Variants in ATAD5 observed in about 807,000 individuals in gnomAD.
ATAD5 encodes the protein ATPase family AAA domain-containing protein 5.
Under a neutral mutation model 176.9 loss-of-function variants are expected in ATAD5, and 58 were observed. That is an observed-to-expected ratio of 0.33 (90% CI 0.27 to 0.41). The LOEUF is 0.41. Among genes scored for constraint, ATAD5 ranks in the 10% least tolerant of loss-of-function variants. The probability of loss-of-function intolerance (pLI) is 1.00; values close to 1 mark genes in which losing one functional copy is unlikely to be tolerated. For synonymous variants in ATAD5, 640 were observed against 712.6 expected (o/e 0.90, Z 1.62); for missense variants, 1,789 against 2,094.1 (o/e 0.85, Z 2.84).
At chr17:30,855,002 G>A (rs9894876) in intron 6 of ATAD5, 141 bp from the exon 7 acceptor site, 84,266 of 722,570 alleles carry the variant, frequency 0.12, 5,711 homozygotes, top group South Asian at 0.24. Flanking sequence ...TAAGTGATCC[G>A]CCCACCTCTG....
rs1335833828 is a variant in ATAD5 at position 30,895,099 on chromosome 17, AT to A, written c.*194del. ...GTTACAAATTTTATATATGATTGTA[AT>A]TTTTTTTCTGAATTTTTTGTATTAT... On this transcript the variant is annotated 3_prime_UTR_variant, in exon 23 of 23. Transcript: ENST00000321990. 4.5e-5 allele frequency: 20 copies of A among 443,216 alleles called. No individual in the cohort carries two copies. Among genetic ancestry groups the A allele is most frequent in the East Asian group, 7.7e-5 (2 of 26,058 alleles). 27.5% of individuals were successfully genotyped at this position (443,216 alleles called of 1,614,324 possible).
chr17:30,849,482 T>A (rs1213842517), intron 6 of ATAD5, among the ~76,000 whole-genome samples: 2 of 152,238 alleles, frequency 1.3e-5, no homozygotes, highest in Non-Finnish European at 2.9e-5. Flanking sequence ...CATTTCTCTT[T>A]TTAATTTTAT....
intron 14 of ATAD5, among the ~76,000 whole-genome samples, chr17:30,874,599 C>G (rs548822355): frequency 3.1e-4 from 42 of 134,450 alleles, no homozygotes; most frequent in Non-Finnish European, 6.3e-4. Flanking sequence ...AAATTGATAT[C>G]TGTTCAACTA....
chr17:30,887,062 C>T, intron 18 of ATAD5, 130 bp from the exon 19 acceptor site: 1 of 652,652 alleles, frequency 1.5e-6, no homozygotes. Context: ...CAGTTTCATC[C>T]TCAAGAAGAG....
At chr17:30,846,484 C>A (rs1906514419) in intron 6 of ATAD5, among the ~76,000 whole-genome samples, 1 of 150,808 alleles carries the variant, frequency 6.6e-6, no homozygotes, top group African/African-American at 2.4e-5. Context: ...CTCACTGCAA[C>A]CTCTGCCTCC....
At chr17:30,850,062 G>A (rs980441240) in intron 6 of ATAD5, among the ~76,000 whole-genome samples, 2 of 152,062 alleles carry the variant, frequency 1.3e-5, no homozygotes, top group African/African-American at 4.8e-5. Flanking sequence ...GATCACATGA[G>A]CCTGGGAGGT....
At chr17:30,855,048 C>T in intron 6 of ATAD5, 95 bp from the exon 7 acceptor site, 1 of 1,205,908 alleles carries the variant, frequency 8.3e-7, no homozygotes, top group Non-Finnish European at 1.1e-6. Flanking sequence ...CATGAGCCAC[C>T]ATGCCCAGCC....
At chr17:30,849,123 G>A (rs528693438) in intron 6 of ATAD5, among the ~76,000 whole-genome samples, 9 of 152,066 alleles carry the variant, frequency 5.9e-5, no homozygotes, top group African/African-American at 2.2e-4. Context: ...TGCCTGCCTC[G>A]GCCTCCCAAA....
chr17:30,873,429 T>G (rs569662366), intron 14 of ATAD5, among the ~76,000 whole-genome samples: 9 of 151,690 alleles, frequency 5.9e-5, no homozygotes, highest in Non-Finnish European at 1.0e-4. Context: ...GTGATTCTCA[T>G]GCCTCAGCCT....
chr17:30,889,227 C>T (rs9914242), intron 19 of ATAD5, among the ~76,000 whole-genome samples: 3 of 142,906 alleles, frequency 2.1e-5, no homozygotes, highest in East Asian at 2.0e-4. Context: ...TATAGTGACT[C>T]TTCATGGGCA....
rs368659042 is a variant in ATAD5 at position 30,877,464 on chromosome 17, C to T, written c.3833C>T (p.Thr1278Ile). The T allele has an allele frequency of 6.3e-7, 1 of 1,582,826 alleles. No individual in the cohort carries two copies. Among genetic ancestry groups the T allele is most frequent in the Non-Finnish European group, 8.7e-7 (1 of 1,153,734 alleles). Residue 1278 changes from threonine (T) to isoleucine (I), a missense_variant, in exon 16 of 23, where the codon ACA (threonine) becomes ATA (isoleucine). By Grantham distance (89) the Thr-to-Ile change is moderately conservative. This residue lies in a region of ATAD5 where 194 missense variants were observed against 270.1 expected (regional missense o/e 0.72). Transcript: ENST00000321990. ...EQKQITQTKS[T>I]NATNSNVKDV... The stretch of plus-strand genomic sequence containing the variant: ...AAACAAATTACTCAGACTAAATCTA[C>T]AAATGCAACTAATTCAAATGTCAAA...
chr17:30,835,478 A>G lies in ATAD5; in HGVS notation c.1397A>G (p.Asp466Gly). Residue 466 changes from aspartate to glycine, a missense_variant, in exon 2 of 23, where the codon GAT becomes GGT. Asp to Gly is a moderately conservative substitution (Grantham distance 94). This residue lies in a region of ATAD5 where 696 missense variants were observed against 712.5 expected (regional missense o/e 0.98). Coordinates refer to ENST00000321990, the MANE Select transcript of ATAD5 (RefSeq NM_024857.5). The part of the protein sequence containing the change: ...SKNGNLQLHT[D>G]KGSFLKEKNK... Reference sequence around the variant, plus strand: ...AATGGCAATTTACAGTTACACACTGATAAAGGAAGTTTTCTGAAGGAGAAA... The same window carrying G: ...AATGGCAATTTACAGTTACACACTGGTAAAGGAAGTTTTCTGAAGGAGAAA... 6.2e-7 allele frequency: 1 copy of G among 1,608,074 alleles called. No homozygotes were observed. Among genetic ancestry groups the G allele is most frequent in the South Asian group, 1.1e-5 (1 of 88,350 alleles).
intron 10 of ATAD5, chr17:30,864,925 CT>C (rs557396227): frequency 1.5e-3 from 206 of 140,590 alleles, no homozygotes; most frequent in Non-Finnish European, 1.6e-3. Context: ...TCCATTTTTG[CT>C]TTTTTTTTTT....
chr17:30,876,313 G>C, intron 14 of ATAD5, 61 bp from the exon 15 acceptor site: 1 of 1,433,216 alleles, frequency 7.0e-7, no homozygotes, highest in Non-Finnish European at 9.4e-7. Context: ...GTGGCTAACT[G>C]TCTTGCTACC....
chr17:30,884,798 A>C (rs1009173850), intron 18 of ATAD5, among the ~76,000 whole-genome samples: 1 of 135,510 alleles, frequency 7.4e-6, no homozygotes, highest in Non-Finnish European at 1.5e-5. Context: ...CCCAGGCTGG[A>C]GTGCAGTGGT....
chr17:30,891,257 A>G (rs1448526678), intron 19 of ATAD5, among the ~76,000 whole-genome samples: 1 of 144,496 alleles, frequency 6.9e-6, no homozygotes, highest in African/African-American at 2.9e-5. Flanking sequence ...ACAGAACTAC[A>G]TTATAATTCT....
intron 10 of ATAD5, among the ~76,000 whole-genome samples, 170 bp from the exon 11 acceptor site, chr17:30,865,534 T>G (rs1295801518): frequency 3.3e-5 from 5 of 152,154 alleles, no homozygotes; most frequent in Non-Finnish European, 7.4e-5. Context: ...GGGTTTGGTG[T>G]GAAGAATTTT....
chr17:30,869,454 T>C, intron 13 of ATAD5, 42 bp from the exon 14 acceptor site: 1 of 1,607,930 alleles, frequency 6.2e-7, no homozygotes, highest in African/African-American at 1.3e-5. Context: ...AAAGGAAACA[T>C]AAACCATTCT....
At chr17:30,847,903 G>A (rs1441608059) in intron 6 of ATAD5, among the ~76,000 whole-genome samples, 1 of 150,870 alleles carries the variant, frequency 6.6e-6, no homozygotes, top group Non-Finnish European at 1.5e-5. Flanking sequence ...TGTATTTTTA[G>A]TAGAGATGGG....
Sources: allele counts gnomAD v4.1 joint callset (sites outside exome capture counted in the v4.1 genomes callset), GRCh38; gene constraint gnomAD v4.1.1; regional missense constraint gnomAD v4.1.1; transcripts MANE v1.5; gene names NCBI Gene and HGNC (gene_info 2026-07-23, HGNC 2026-07-21).